ACSS3: variants seen among roughly 807,000 people sequenced by gnomAD.
ACSS3 encodes acyl-CoA synthetase short-chain family member 3, mitochondrial.
In ACSS3, 64 loss-of-function variants were observed where a neutral mutation model predicts 84.2. The observed-to-expected ratio is 0.76, with a 90% CI of 0.62 to 0.94. The LOEUF (loss-of-function observed/expected upper bound fraction) is 0.94, where lower values mean the gene tolerates loss of function less well. Ranked by LOEUF, ACSS3 falls within the 40% of genes least tolerant of loss-of-function variation. The pLI is 0.00. For synonymous variants in ACSS3, 317 were observed against 310.1 expected (o/e 1.02, Z -0.23); for missense variants, 815 against 867.6 (o/e 0.94, Z 0.76).
rs371996182 is a variant in ACSS3 at position 81,103,828 on chromosome 12, G to A, written c.312-5732G>A. On this transcript the variant is annotated intron_variant, in intron 1 of 15. Transcript: ENST00000548058. ...TCAAGTTTTTTGAGTATTGTTTATAGAAGTAGTATTGTATGTTTGAGGGTT... is the reference window on the plus strand; with the variant it reads ...TCAAGTTTTTTGAGTATTGTTTATAAAAGTAGTATTGTATGTTTGAGGGTT... 3.0e-4 allele frequency among the ~76,000 whole-genome samples: 45 copies of A among 152,256 alleles called. 1 individual carries two copies. Among genetic ancestry groups the A allele is most frequent in the African/African-American group, 1.1e-3 (45 of 41,554 alleles).
rs1241172104 is a variant in ACSS3, at chr12:81,255,417, A to T, written c.*495A>T. On this transcript the variant is annotated 3_prime_UTR_variant, in exon 16 of 16. Coordinates refer to ENST00000548058, the MANE Select transcript of ACSS3 (RefSeq NM_024560.4). ...GATGAAATGGGAAGTTTAGGTAATC[A>T]TCTAGACAGATGAAATTATTATCTA... 6.6e-6 allele frequency: 1 copy of T among 152,434 alleles called. No individual in the cohort carries two copies. The highest frequency in any genetic ancestry group is 1.5e-5 in the Non-Finnish European group (1 of 68,230). The allele number at this position is 152,434 out of a possible 1,614,324, so 9.4% of individuals were successfully genotyped here.
intron 11 of ACSS3, among the ~76,000 whole-genome samples, chr12:81,226,622 A>G (rs2033281563): frequency 6.6e-6 from 1 of 151,688 alleles, no homozygotes; most frequent in Admixed American, 6.6e-5. Context: ...CCAAAATGCC[A>G]CCTCTCCTGA....
At chr12:81,220,163 CT>C in intron 11 of ACSS3, 87 bp downstream of exon 11, 2 of 685,636 alleles carry the variant, frequency 2.9e-6, no homozygotes, top group Non-Finnish European at 4.5e-6. Flanking sequence ...AGTGTTACTG[CT>C]ACTGAGGAAG....
rs1886616231 is a variant in ACSS3, at chr12:81,151,683, A to G, written c.922-161A>G. Reference sequence around the variant, plus strand: ...TTTTGTGTTGACTATTGAAGGACCCAAAGAAATAATGATTCAAAGATAATT... The same window carrying G: ...TTTTGTGTTGACTATTGAAGGACCCGAAGAAATAATGATTCAAAGATAATT... On this transcript the variant is annotated intron_variant, in intron 5 of 15. Coordinates refer to ENST00000548058, the MANE Select transcript of ACSS3 (RefSeq NM_024560.4). The G allele has an allele frequency of 6.8e-6, 4 of 592,380 alleles. No homozygotes were observed. The African/African-American group carries it at 7.5e-5, about 11-fold the overall frequency. 36.7% of individuals were successfully genotyped at this position (592,380 alleles called of 1,614,324 possible). A position where few individuals can be genotyped will look rare whatever the true frequency, so the allele number is the denominator to read the frequency against.
chr12:81,172,604 C>T (rs1356912455), intron 7 of ACSS3, among the ~76,000 whole-genome samples: 1 of 152,218 alleles, frequency 6.6e-6, no homozygotes, highest in African/African-American at 2.4e-5. Context: ...CCACTGCACT[C>T]CAGCCTCCAC....
chr12:81,109,209 C>CCTCT (rs1163742908), intron 1 of ACSS3, among the ~76,000 whole-genome samples: 2 of 152,162 alleles, frequency 1.3e-5, no homozygotes, highest in Non-Finnish European at 2.9e-5. Flanking sequence ...ATCCCCAATG[C>CCTCT]CTCTGCACTG....
intron 13 of ACSS3, 126 bp from the exon 14 acceptor site, chr12:81,253,181 A>C: frequency 9.9e-7 from 1 of 1,012,374 alleles, no homozygotes; most frequent in South Asian, 1.6e-5. Flanking sequence ...CTTGTCTTAC[A>C]TGCACTTTTT....
intron 13 of ACSS3, among the ~76,000 whole-genome samples, chr12:81,244,398 A>AT (rs1156508025): frequency 6.6e-6 from 1 of 150,712 alleles, no homozygotes. Context: ...TGGATCTATG[A>AT]TTTTGTGTCA....
In ACSS3 at chr12:81,255,819, A is replaced by C. The variant is rs555504688; in HGVS notation, c.*897A>C. Reference sequence around the variant, plus strand: ...TCAAAACAACAAAAACAACAAAAAAACCACATGCCTGGCGGAGAACAAAGA... The same window carrying C: ...TCAAAACAACAAAAACAACAAAAAACCCACATGCCTGGCGGAGAACAAAGA... On this transcript the variant is annotated 3_prime_UTR_variant, in exon 16 of 16. Transcript: ENST00000548058. 3.9e-5 allele frequency: 6 copies of C among 152,420 alleles called. No individual in the cohort carries two copies. In the East Asian group the frequency reaches 1.2e-3, roughly 29 times the overall value. 9.4% of individuals were successfully genotyped at this position (152,420 alleles called of 1,614,324 possible).
chr12:81,249,307 A>T (rs940343653), intron 13 of ACSS3, among the ~76,000 whole-genome samples: 1 of 152,066 alleles, frequency 6.6e-6, no homozygotes, highest in African/African-American at 2.4e-5. Context: ...GCGTTTTCAT[A>T]CAAAGAAATG....
At chr12:81,168,411 G>A (rs1276718106) in intron 7 of ACSS3, among the ~76,000 whole-genome samples, 1 of 152,134 alleles carries the variant, frequency 6.6e-6, no homozygotes, top group Non-Finnish European at 1.5e-5. Context: ...ATGAACATAT[G>A]TACATACCTT....
At chr12:81,233,598 T>C in intron 13 of ACSS3, 127 bp downstream of exon 13, 10 of 1,149,500 alleles carry the variant, frequency 8.7e-6, no homozygotes, top group Non-Finnish European at 1.2e-5. Context: ...GCTAGGTTAC[T>C]CTTACATCTC....
chr12:81,093,605 GT>G lies in ACSS3; in HGVS notation c.311+15184del, dbSNP rs34300485. 8.4e-3 allele frequency among the ~76,000 whole-genome samples: 1,248 copies of G among 147,804 alleles called. 22 individuals carry two copies. Among genetic ancestry groups the G allele is most frequent in the African/African-American group, 0.029 (1,190 of 40,546 alleles). ...TATATTAGGTATAGTTCCCTTCAGT[GT>G]TTTTTTTTTGGAAATAATTATAGAC... On this transcript the variant is annotated intron_variant, in intron 1 of 15. Transcript: ENST00000548058.
At chr12:81,125,213 C>CAAAAA (rs534890795) in intron 2 of ACSS3, among the ~76,000 whole-genome samples, 1 of 149,486 alleles carries the variant, frequency 6.7e-6, no homozygotes, top group African/African-American at 2.5e-5. Context: ...GACTTCGTCT[C>CAAAAA]AAAAAAAAAA....
chr12:81,084,780 A>C (rs1025561097), intron 1 of ACSS3, among the ~76,000 whole-genome samples: 3 of 152,230 alleles, frequency 2.0e-5, no homozygotes, highest in Admixed American at 2.0e-4. Flanking sequence ...AATAGTGGTC[A>C]AGGGCTCTAG....
At chr12:81,197,928 C>A (rs1346637039) in intron 8 of ACSS3, among the ~76,000 whole-genome samples, 1 of 152,112 alleles carries the variant, frequency 6.6e-6, no homozygotes. Flanking sequence ...CTGTATCACA[C>A]CCCAATATGT....
intron 1 of ACSS3, among the ~76,000 whole-genome samples, chr12:81,101,289 G>C (rs757800899): frequency 6.6e-6 from 1 of 152,066 alleles, no homozygotes; most frequent in Non-Finnish European, 1.5e-5. Flanking sequence ...AGCTAAGCAA[G>C]CTAGACCATT....
At chr12:81,229,721 C>G (rs544440525) in intron 11 of ACSS3, among the ~76,000 whole-genome samples, 1 of 151,868 alleles carries the variant, frequency 6.6e-6, no homozygotes, top group Non-Finnish European at 1.5e-5. Context: ...AATACCCTTA[C>G]GTGCATTTTA....
At chr12:81,079,552 G>C (rs1256194940) in intron 1 of ACSS3, among the ~76,000 whole-genome samples, 6 of 152,178 alleles carry the variant, frequency 3.9e-5, no homozygotes, top group Non-Finnish European at 8.8e-5. Context: ...AGTGTGTGGG[G>C]ATGACATGGT....
Sources: gnomAD v4.1 joint callset for allele counts (sites outside exome capture counted in the v4.1 genomes callset) on GRCh38, gnomAD v4.1.1 for gene constraint, MANE v1.5 for transcripts, NCBI Gene and HGNC (gene_info 2026-07-23, HGNC 2026-07-21) for gene names.